LURAP1L: variants seen among roughly 807,000 people sequenced by gnomAD.
LURAP1L encodes leucine rich adaptor protein 1-like.
Under a neutral mutation model 13.8 loss-of-function variants are expected in LURAP1L, and 12 were observed. The ratio of observed to expected loss-of-function variants is 0.87; its 90% CI spans 0.56 to 1.41. The LOEUF (loss-of-function observed/expected upper bound fraction) is 1.41, where lower values mean the gene tolerates loss of function less well. Among genes scored for constraint, LURAP1L ranks in the 40% most tolerant of loss-of-function variants. The pLI is 0.00. For missense variants in LURAP1L, 375 were observed against 292.9 expected, an observed-to-expected ratio of 1.28 and a Z score of -2.04; for synonymous variants, 139 against 119.2, an observed-to-expected ratio of 1.17 and a Z score of -1.08.
At chr9:12,788,714 A>G (rs1449176069) in intron 1 of LURAP1L, among the ~76,000 whole-genome samples, 1 of 152,080 alleles carries the variant, frequency 6.6e-6, no homozygotes, top group East Asian at 1.9e-4. Flanking sequence ...GAAATACCCT[A>G]TAATGTTAAC....
intron 1 of LURAP1L, among the ~76,000 whole-genome samples, chr9:12,812,027 G>C (rs1486182903): frequency 6.6e-6 from 1 of 152,134 alleles, no homozygotes; most frequent in Non-Finnish European, 1.5e-5. Flanking sequence ...ATCTCACAAG[G>C]GGCAGTTCAC....
In LURAP1L at chr9:12,821,653, C is replaced by T. The variant is rs1819882335; in HGVS notation, c.580C>T (p.Gln194Ter). 1 of 1,614,156 alleles carries T rather than the reference C, an allele frequency of 6.2e-7. No individual in the cohort carries two copies. The highest frequency in any genetic ancestry group is 1.7e-5 in the Admixed American group (1 of 60,016). Residue 194 changes from glutamine to a stop codon, truncating the protein, a stop_gained, in exon 2 of 2, where the codon CAG becomes TAG. Transcript: ENST00000319264. LOFTEE classifies it high-confidence loss of function. The part of the protein sequence containing the change: ...DTLADDVPGH[Q>*]TPSDLDQFSD... ...GTTGGCGGATGATGTCCCAGGCCATCAGACCCCTTCAGACTTGGACCAATT... is the reference window on the plus strand; with the variant it reads ...GTTGGCGGATGATGTCCCAGGCCATTAGACCCCTTCAGACTTGGACCAATT...
At chr9:12,818,314 A>G (rs1258993597) in intron 1 of LURAP1L, among the ~76,000 whole-genome samples, 2 of 152,264 alleles carry the variant, frequency 1.3e-5, no homozygotes, top group East Asian at 1.9e-4. Context: ...TATTCTAAGT[A>G]TGTTTTAACC....
chr9:12,777,717 C>T (rs1254698960), intron 1 of LURAP1L: 1 of 319,838 alleles, frequency 3.1e-6, no homozygotes, highest in Non-Finnish European at 4.5e-6. Flanking sequence ...CCACCCTGTC[C>T]CAAGGAATGA....
chr9:12,779,515 C>T (rs1279074705), intron 1 of LURAP1L, among the ~76,000 whole-genome samples: 1 of 152,088 alleles, frequency 6.6e-6, no homozygotes, highest in African/African-American at 2.4e-5. Context: ...ACCTCGTGAT[C>T]CGCCACGGCC....
At chr9:12,777,640 C>G in intron 1 of LURAP1L, 1 of 903,718 alleles carries the variant, frequency 1.1e-6, no homozygotes, top group Non-Finnish European at 1.3e-6. Flanking sequence ...TTGCTGGACA[C>G]TCAGACACAA....
intron 1 of LURAP1L, 152 bp downstream of exon 1, chr9:12,776,179 G>T (rs1050992760): frequency 4.9e-5 from 39 of 804,044 alleles, no homozygotes; most frequent in Non-Finnish European, 7.3e-5. Flanking sequence ...TGAGCAGGGG[G>T]CGCTCATCCG....
rs1396543413 is a variant in LURAP1L at position 12,775,620 on chromosome 9, C to G, written c.-96C>G. On this transcript the variant is annotated 5_prime_UTR_variant, in exon 1 of 2. Coordinates refer to ENST00000319264, the MANE Select transcript of LURAP1L (RefSeq NM_203403.2). The stretch of plus-strand genomic sequence containing the variant: ...GCGGCGGAGGATAGAGACCCTGGCC[C>G]CCGGAGAGGTCTGCTGATTTCGCAG... 4 of 1,477,100 alleles carry G rather than the reference C, an allele frequency of 2.7e-6. No homozygotes were observed. The highest frequency in any genetic ancestry group is 2.8e-5 in the African/African-American group (2 of 70,950). 91.5% of individuals were successfully genotyped at this position (1,477,100 alleles called of 1,614,324 possible).
intron 1 of LURAP1L, among the ~76,000 whole-genome samples, chr9:12,815,786 C>T (rs1409560894): frequency 6.6e-6 from 1 of 152,164 alleles, no homozygotes; most frequent in Non-Finnish European, 1.5e-5. Flanking sequence ...TATTCAGCAG[C>T]TCATGTGCAC....
chr9:12,786,547 CATATATATATATATATATATATAT>C (rs67654649), intron 1 of LURAP1L, among the ~76,000 whole-genome samples: 23 of 53,006 alleles, frequency 4.3e-4, no homozygotes, highest in Non-Finnish European at 5.7e-4. Flanking sequence ...ATATATATGA[CATATATATATATATATATATATAT>C]ATATATATAT....
rs1423443781 is a variant in LURAP1L at position 12,822,589 on chromosome 9, G to A, written c.*829G>A. Among the ~76,000 whole-genome samples the A allele has an allele frequency of 6.6e-6, 1 of 152,150 alleles. No individual in the cohort carries two copies. Among genetic ancestry groups the A allele is most frequent in the East Asian group, 1.9e-4 (1 of 5,198 alleles). On this transcript the variant is annotated 3_prime_UTR_variant, in exon 2 of 2. Coordinates refer to ENST00000319264, the MANE Select transcript of LURAP1L (RefSeq NM_203403.2). ...TGATAGGATGTATAAATACTTAGAT[G>A]CATACAAGCCGATGGATAGAAAGAC...
chr9:12,796,339 A>T (rs1031791013), intron 1 of LURAP1L, among the ~76,000 whole-genome samples: 1 of 152,038 alleles, frequency 6.6e-6, no homozygotes, highest in Non-Finnish European at 1.5e-5. Flanking sequence ...TTTTTAAAAA[A>T]TTTTATTCAA....
At chr9:12,796,712 A>G (rs1427145597) in intron 1 of LURAP1L, among the ~76,000 whole-genome samples, 1 of 151,984 alleles carries the variant, frequency 6.6e-6, no homozygotes, top group African/African-American at 2.4e-5. Context: ...AAAAGAGTGC[A>G]TAAATGCTGT....
intron 1 of LURAP1L, among the ~76,000 whole-genome samples, chr9:12,819,232 G>C (rs894079154): frequency 1.3e-5 from 2 of 152,140 alleles, no homozygotes; most frequent in African/African-American, 2.4e-5. Flanking sequence ...GCTTTGTTCA[G>C]AGAAGATGAA....
At chr9:12,783,661 T>C (rs1819306559) in intron 1 of LURAP1L, among the ~76,000 whole-genome samples, 1 of 152,094 alleles carries the variant, frequency 6.6e-6, no homozygotes, top group South Asian at 2.1e-4. Context: ...GCCTATACTT[T>C]CTCTTTTTTT....
intron 1 of LURAP1L, among the ~76,000 whole-genome samples, chr9:12,795,681 G>A (rs936370221): frequency 6.6e-6 from 1 of 152,024 alleles, no homozygotes; most frequent in Admixed American, 6.6e-5. Context: ...AAGGCAACAC[G>A]ACCACTTGTA....
intron 1 of LURAP1L, among the ~76,000 whole-genome samples, chr9:12,792,531 G>T (rs989688460): frequency 1.3e-5 from 2 of 152,040 alleles, no homozygotes; most frequent in Non-Finnish European, 2.9e-5. Context: ...GCATATATTT[G>T]CTAGGATAGA....
chr9:12,805,933 C>G (rs191539522), intron 1 of LURAP1L, among the ~76,000 whole-genome samples: 1 of 151,778 alleles, frequency 6.6e-6, no homozygotes, highest in Admixed American at 6.6e-5. Context: ...AGATCAGGAG[C>G]GACAATGAAA....
chr9:12,821,225 C>G (rs905212205), intron 1 of LURAP1L, among the ~76,000 whole-genome samples, 161 bp from the exon 2 acceptor site: 15 of 152,094 alleles, frequency 9.9e-5, no homozygotes, highest in African/African-American at 3.6e-4. Flanking sequence ...TAACTCCTAC[C>G]ATCAGTCAGC....
Sources: gnomAD v4.1 joint callset for allele counts (sites outside exome capture counted in the v4.1 genomes callset) on GRCh38, gnomAD v4.1.1 for gene constraint, MANE v1.5 for transcripts, NCBI Gene and HGNC (gene_info 2026-07-23, HGNC 2026-07-21) for gene names.